Variants in YAP1 observed in about 807,000 individuals in gnomAD.
The protein encoded by YAP1 is transcriptional coactivator YAP1.
Under a neutral mutation model 56.9 loss-of-function variants are expected in YAP1, and 5 were observed. The observed-to-expected ratio is 0.09, with a 90% CI of 0.05 to 0.18. The LOEUF is 0.18. Ranked by LOEUF, YAP1 falls within the 10% of genes least tolerant of loss-of-function variation. The pLI, the probability that YAP1 is intolerant of heterozygous loss-of-function variation, is 1.00. For synonymous variants in YAP1, 265 were observed against 248.1 expected (o/e 1.07, Z -0.64); for missense variants, 539 against 651.8 (o/e 0.83, Z 1.88).
At chr11:102,191,289 A>G (rs555532408) in intron 4 of YAP1, among the ~76,000 whole-genome samples, 1 of 151,998 alleles carries the variant, frequency 6.6e-6, no homozygotes, top group South Asian at 2.1e-4. Flanking sequence ...ACTGCAGAAC[A>G]TTCAACATCC....
chr11:102,213,195 G>A (rs772686647), intron 6 of YAP1, among the ~76,000 whole-genome samples: 4 of 152,134 alleles, frequency 2.6e-5, no homozygotes, highest in Non-Finnish European at 4.4e-5. Context: ...TTAAGAATAT[G>A]GTTCTTGGAC....
chr11:102,150,512 T>A (rs1285975300), intron 2 of YAP1, among the ~76,000 whole-genome samples: 1 of 152,166 alleles, frequency 6.6e-6, no homozygotes, highest in Non-Finnish European at 1.5e-5. Flanking sequence ...AAGCCTGCAT[T>A]ATATAATGTA....
intron 1 of YAP1, 112 bp downstream of exon 1, chr11:102,111,281 C>G (rs903460448): frequency 4.0e-5 from 54 of 1,333,360 alleles, no homozygotes; most frequent in Non-Finnish European, 5.2e-5. Flanking sequence ...TGCGGGAACT[C>G]TAGCTGGGGT....
At chr11:102,221,316 T>A (rs1949916981) in intron 6 of YAP1, among the ~76,000 whole-genome samples, 1 of 152,130 alleles carries the variant, frequency 6.6e-6, no homozygotes, top group African/African-American at 2.4e-5. Flanking sequence ...AGGACATTGG[T>A]GTTTGTTTTT....
At chr11:102,117,988 C>T (rs1591114410) in intron 2 of YAP1, among the ~76,000 whole-genome samples, 1 of 152,240 alleles carries the variant, frequency 6.6e-6, no homozygotes, top group Non-Finnish European at 1.5e-5. Context: ...CTTCCTGACT[C>T]AGTATTCTAT....
At chr11:102,223,897 A>T in intron 7 of YAP1, 145 bp downstream of exon 7, 1 of 1,083,682 alleles carries the variant, frequency 9.2e-7, no homozygotes, top group Non-Finnish European at 1.3e-6. Flanking sequence ...AATGGCAAGT[A>T]CATGCAGAGT....
At chr11:102,200,889 C>G (rs1948819976) in intron 4 of YAP1, among the ~76,000 whole-genome samples, 1 of 152,152 alleles carries the variant, frequency 6.6e-6, no homozygotes, top group Non-Finnish European at 1.5e-5. Flanking sequence ...TACTGAGATA[C>G]TACTCATCTT....
At chr11:102,167,366 A>G (rs1946668407) in intron 3 of YAP1, among the ~76,000 whole-genome samples, 1 of 152,244 alleles carries the variant, frequency 6.6e-6, no homozygotes, top group South Asian at 2.1e-4. Flanking sequence ...ACTTTATATT[A>G]AAATATTCAA....
At chr11:102,151,739 G>A (rs1412219145) in intron 2 of YAP1, among the ~76,000 whole-genome samples, 3 of 152,152 alleles carry the variant, frequency 2.0e-5, no homozygotes, top group Admixed American at 6.5e-5. Flanking sequence ...CTTAGGTTTA[G>A]TGCGGTTTTT....
At chr11:102,124,302 T>A (rs1032758555) in intron 2 of YAP1, among the ~76,000 whole-genome samples, 13 of 152,178 alleles carry the variant, frequency 8.5e-5, no homozygotes, top group Non-Finnish European at 1.8e-4. Context: ...TTGCTTTCCT[T>A]GGGGATTTTA....
At chr11:102,221,428 ATAAC>A (rs1309938164) in intron 6 of YAP1, among the ~76,000 whole-genome samples, 1 of 152,224 alleles carries the variant, frequency 6.6e-6, no homozygotes, top group South Asian at 2.1e-4. Flanking sequence ...TAATGTATAA[ATAAC>A]AAGATCTAAG....
intron 2 of YAP1, among the ~76,000 whole-genome samples, chr11:102,146,318 C>T (rs983135175): frequency 2.6e-4 from 39 of 152,140 alleles, no homozygotes; most frequent in African/African-American, 8.2e-4. Flanking sequence ...CCACCACACC[C>T]GGCCTCTAGC....
chr11:102,136,747 G>A (rs1188900958), intron 2 of YAP1, among the ~76,000 whole-genome samples: 1 of 152,020 alleles, frequency 6.6e-6, no homozygotes, highest in Admixed American at 6.6e-5. Flanking sequence ...TTCTCAGATG[G>A]ATATCCAGTT....
intron 5 of YAP1, among the ~76,000 whole-genome samples, chr11:102,207,463 A>C (rs1397386456): frequency 6.6e-6 from 1 of 152,012 alleles, no homozygotes; most frequent in African/African-American, 2.4e-5. Flanking sequence ...AGGCCGAGGC[A>C]GGAGGTTTGC....
intron 6 of YAP1, among the ~76,000 whole-genome samples, chr11:102,218,888 C>G (rs945250110): frequency 6.6e-6 from 1 of 152,080 alleles, no homozygotes; most frequent in Non-Finnish European, 1.5e-5. Flanking sequence ...TTTTAACAAA[C>G]ATAGTGGCCA....
intron 6 of YAP1, among the ~76,000 whole-genome samples, chr11:102,212,523 G>T (rs1949451509): frequency 6.6e-6 from 1 of 151,968 alleles, no homozygotes; most frequent in Non-Finnish European, 1.5e-5. Context: ...ATACTATGTT[G>T]GCAGGATTTT....
chr11:102,126,410 G>A (rs1042977533), intron 2 of YAP1, among the ~76,000 whole-genome samples: 7 of 152,182 alleles, frequency 4.6e-5, no homozygotes, highest in African/African-American at 1.7e-4. Flanking sequence ...TTGAATCACA[G>A]GGGCCTTTCT....
chr11:102,140,877 T>G (rs1001655279), intron 2 of YAP1, among the ~76,000 whole-genome samples: 1 of 152,036 alleles, frequency 6.6e-6, no homozygotes, highest in African/African-American at 2.4e-5. Flanking sequence ...CCCTACGTTC[T>G]CTTGGGTTTC....
chr11:102,220,035 A>G (rs1005231398), intron 6 of YAP1, among the ~76,000 whole-genome samples: 6 of 149,142 alleles, frequency 4.0e-5, no homozygotes, highest in African/African-American at 1.2e-4. Flanking sequence ...CACCCAGCCA[A>G]TGGCCTCAGT....
Sources: allele counts gnomAD v4.1 joint callset (sites outside exome capture counted in the v4.1 genomes callset), GRCh38; gene constraint gnomAD v4.1.1; transcripts MANE v1.5; gene names NCBI Gene and HGNC (gene_info 2026-07-23, HGNC 2026-07-21).